KIAA0825: variants seen among roughly 807,000 people sequenced by gnomAD.
The protein encoded by KIAA0825 is KIAA0825.
In KIAA0825, 119 loss-of-function variants were observed where a neutral mutation model predicts 147.6. That is an observed-to-expected ratio of 0.81 (90% CI 0.69 to 0.94). KIAA0825 has a LOEUF of 0.94. KIAA0825 is among the 40% of genes least tolerant of loss of function. KIAA0825 has a pLI of 0.00. For missense variants in KIAA0825, 1,381 were observed against 1,472.7 expected, an observed-to-expected ratio of 0.94 and a Z score of 1.02; for synonymous variants, 470 against 518.1, an observed-to-expected ratio of 0.91 and a Z score of 1.26.
At chr5:94,348,660 GTAGCT>G (rs566812972) in intron 20 of KIAA0825, among the ~76,000 whole-genome samples, 337 of 152,188 alleles carry the variant, frequency 2.2e-3, no homozygotes, top group African/African-American at 7.7e-3. Flanking sequence ...GTGACCAGGG[GTAGCT>G]ATTCCTATAT....
chr5:94,200,307 G>A (rs998933909), intron 20 of KIAA0825, among the ~76,000 whole-genome samples: 6 of 152,178 alleles, frequency 3.9e-5, no homozygotes, highest in African/African-American at 1.4e-4. Context: ...CTCAGGGCCA[G>A]GAATAAGCCT....
In KIAA0825 at chr5:94,520,622, AGTT is replaced by A. The variant is rs764443062; in HGVS notation, c.593_595del (p.Gln198del). The stretch of plus-strand genomic sequence containing the variant: ...TTCTGATTCTGGATAAAGAAACAAG[AGTT>A]GTTGTAAGCACTGCTTTTTCAATAA... On this transcript the variant is annotated inframe_deletion, in exon 5 of 21. Coordinates refer to ENST00000682413, the MANE Select transcript of KIAA0825 (RefSeq NM_001145678.3). 3 of 1,613,326 alleles carry A rather than the reference AGTT, an allele frequency of 1.9e-6. No homozygotes were observed. Among genetic ancestry groups the A allele is most frequent in the Non-Finnish European group, 2.5e-6 (3 of 1,179,492 alleles).
At chr5:94,338,421 T>A (rs1782024778) in intron 20 of KIAA0825, among the ~76,000 whole-genome samples, 1 of 152,152 alleles carries the variant, frequency 6.6e-6, no homozygotes, top group Non-Finnish European at 1.5e-5. Context: ...CCTTTTCATT[T>A]ACTTTATGTG....
intron 5 of KIAA0825, among the ~76,000 whole-genome samples, chr5:94,494,491 C>T (rs532467252): frequency 7.9e-5 from 12 of 152,092 alleles, no homozygotes; most frequent in African/African-American, 2.9e-4. Context: ...TTTCAGCTGA[C>T]TTTTGTTTTA....
Position 94,537,133 on chromosome 5 carries a change from G to A in KIAA0825, c.-1-6C>T, listed in dbSNP as rs1374459718. 2.5e-6 allele frequency: 4 copies of A among 1,598,334 alleles called. No individual in the cohort carries two copies. The highest frequency in any genetic ancestry group is 2.3e-5 in the East Asian group (1 of 44,340). ...ATTCATCATCCCAATCCATTCTGAG[G>A]AGCAAGAATAAATAATAAAACATGT... On this transcript the variant is annotated splice_region_variant and splice_polypyrimidine_tract_variant and intron_variant, in intron 2 of 20. Coordinates refer to ENST00000682413, the MANE Select transcript of KIAA0825 (RefSeq NM_001145678.3).
chr5:94,275,865 C>T lies in KIAA0825; in HGVS notation c.3710+108503G>A, dbSNP rs568815577. On this transcript the variant is annotated intron_variant, in intron 20 of 20. Transcript: ENST00000682413. The stretch of plus-strand genomic sequence containing the variant: ...TCTTTCAGCGTAAAACAAAGTGCAG[C>T]TTCCCCCACAGAGCATCCTGATTAA... Among the ~76,000 whole-genome samples the T allele has an allele frequency of 2.6e-5, 4 of 152,224 alleles. No individual in the cohort carries two copies. In the South Asian group the frequency reaches 8.3e-4, roughly 32 times the overall value.
chr5:94,208,689 G>C (rs981968609), intron 20 of KIAA0825, among the ~76,000 whole-genome samples: 4 of 152,160 alleles, frequency 2.6e-5, no homozygotes, highest in African/African-American at 9.7e-5. Context: ...AGATGGAGCT[G>C]GGGCTGGAGA....
chr5:94,518,119 G>A (rs1243978997), intron 5 of KIAA0825, among the ~76,000 whole-genome samples: 5 of 152,086 alleles, frequency 3.3e-5, no homozygotes, highest in East Asian at 1.9e-4. Context: ...CAAAGATTTC[G>A]TGAGCATAAA....
In KIAA0825 at chr5:94,196,460, T is replaced by G. The variant is rs1465415020; in HGVS notation, c.3711-42336A>C. 4.8e-5 allele frequency among the ~76,000 whole-genome samples: 7 copies of G among 147,236 alleles called. No individual in the cohort carries two copies. In the Admixed American group the frequency reaches 4.8e-4, roughly 10 times the overall value. ...TTTATTTTCTACTGACGAAACTTCT[T>G]TTTTTTTTTTTAACTTTATTTTAGG... is the stretch of plus-strand genomic sequence containing the variant. On this transcript the variant is annotated intron_variant, in intron 20 of 20. Coordinates refer to ENST00000682413, the MANE Select transcript of KIAA0825 (RefSeq NM_001145678.3).
intron 20 of KIAA0825, among the ~76,000 whole-genome samples, chr5:94,304,977 A>G (rs1319073207): frequency 2.0e-5 from 3 of 151,970 alleles, no homozygotes; most frequent in Non-Finnish European, 4.4e-5. Flanking sequence ...ACCTGTTAAC[A>G]CCTTATACCA....
Position 94,484,395 on chromosome 5 carries a change from G to T in KIAA0825, c.1132+374C>A, listed in dbSNP as rs145771408. On this transcript the variant is annotated intron_variant, in intron 6 of 20. Coordinates refer to ENST00000682413, the MANE Select transcript of KIAA0825 (RefSeq NM_001145678.3). ...GAAGGTGAGAAAATTCAGGTCTAAGGAGACTATATGTTCTGCTCAAGATCA... is the reference window on the plus strand; with the variant it reads ...GAAGGTGAGAAAATTCAGGTCTAAGTAGACTATATGTTCTGCTCAAGATCA... Among the ~76,000 whole-genome samples, 398 of 151,756 alleles carry T rather than the reference G, an allele frequency of 2.6e-3. 2 individuals carry two copies. The highest frequency in any genetic ancestry group is 3.4e-3 in the Non-Finnish European group (229 of 67,660).
intron 20 of KIAA0825, among the ~76,000 whole-genome samples, chr5:94,264,470 TAAAG>T (rs1310636979): frequency 2.6e-5 from 4 of 152,220 alleles, no homozygotes; most frequent in Non-Finnish European, 5.9e-5. Flanking sequence ...GACTGGCAAT[TAAAG>T]AACTCTTTCA....
intron 10 of KIAA0825, among the ~76,000 whole-genome samples, chr5:94,466,178 T>C (rs576175646): frequency 4.6e-5 from 7 of 152,314 alleles, no homozygotes; most frequent in African/African-American, 9.6e-5. Flanking sequence ...TCATTTCTTA[T>C]GTAGACACTC....
At chr5:94,572,921 C>T (rs1780241282) in intron 2 of KIAA0825, among the ~76,000 whole-genome samples, 1 of 152,106 alleles carries the variant, frequency 6.6e-6, no homozygotes, top group Non-Finnish European at 1.5e-5. Flanking sequence ...CTCTGTAAAA[C>T]ATTTGAAGAG....
chr5:94,553,696 G>A (rs1775989958), intron 2 of KIAA0825, among the ~76,000 whole-genome samples: 1 of 151,586 alleles, frequency 6.6e-6, no homozygotes, highest in East Asian at 1.9e-4. Context: ...AACCTGGGAG[G>A]CGGAGGCTGC....
chr5:94,229,322 A>G (rs1006192802), intron 20 of KIAA0825, among the ~76,000 whole-genome samples: 4 of 152,142 alleles, frequency 2.6e-5, no homozygotes, highest in African/African-American at 9.7e-5. Flanking sequence ...GAGCAATGGT[A>G]TTCTGATTCC....
chr5:94,550,287 C>T lies in KIAA0825; in HGVS notation c.-1-13160G>A, dbSNP rs1389557249. Reference sequence around the variant, plus strand: ...ATTTGGTGGACTTCCCCAGGGTGAACTCACCTTTATACTGGCCAAACTACT... The same window carrying T: ...ATTTGGTGGACTTCCCCAGGGTGAATTCACCTTTATACTGGCCAAACTACT... On this transcript the variant is annotated intron_variant, in intron 2 of 20. Transcript: ENST00000682413. 2.0e-5 allele frequency among the ~76,000 whole-genome samples: 3 copies of T among 152,142 alleles called. No individual in the cohort carries two copies. In the East Asian group the frequency reaches 5.8e-4, roughly 29 times the overall value.
chr5:94,198,735 C>T (rs141907841), intron 20 of KIAA0825, among the ~76,000 whole-genome samples: 14 of 152,220 alleles, frequency 9.2e-5, no homozygotes, highest in East Asian at 7.7e-4. Flanking sequence ...CCAACCGGTA[C>T]GTTCTGCACA....
chr5:94,468,827 A>C (rs982357287), intron 10 of KIAA0825, among the ~76,000 whole-genome samples: 3 of 152,350 alleles, frequency 2.0e-5, no homozygotes, highest in Admixed American at 6.5e-5. Context: ...TGATTAGGAC[A>C]ATCAAGAAAA....
Sources: allele counts gnomAD v4.1 joint callset (sites outside exome capture counted in the v4.1 genomes callset), GRCh38; gene constraint gnomAD v4.1.1; transcripts MANE v1.5; gene names NCBI Gene and HGNC (gene_info 2026-07-23, HGNC 2026-07-21).